BCAS1: variants seen among roughly 807,000 people sequenced by gnomAD.
BCAS1 encodes the protein breast carcinoma-amplified sequence 1.
A neutral mutation model predicts 65.4 loss-of-function variants in BCAS1; 46 were observed. The observed-to-expected ratio is 0.70, with a 90% CI of 0.55 to 0.90. The LOEUF (loss-of-function observed/expected upper bound fraction) is 0.90. Among genes scored for constraint, BCAS1 ranks in the 40% least tolerant of loss-of-function variants. The pLI, the probability that BCAS1 is intolerant of heterozygous loss-of-function variation, is 0.00. For synonymous variants in BCAS1, 298 were observed against 293.5 expected, an observed-to-expected ratio of 1.02 and a Z score of -0.16; for missense variants, 793 against 771.2, an observed-to-expected ratio of 1.03 and a Z score of -0.33.
intron 10 of BCAS1, among the ~76,000 whole-genome samples, chr20:53,960,659 CAACT>C (rs2145577209): frequency 6.6e-6 from 1 of 152,078 alleles, no homozygotes; most frequent in East Asian, 1.9e-4. Context: ...TTATTAATAA[CAACT>C]GTTTCCTTCC....
intron 11 of BCAS1, among the ~76,000 whole-genome samples, chr20:53,954,330 AGAGAGG>A (rs1299328241): frequency 7.0e-5 from 10 of 143,246 alleles, no homozygotes; most frequent in African/African-American, 2.6e-4. Context: ...AGAGAGAGAG[AGAGAGG>A]GACCAGGCAT....
chr20:53,998,897 T>C (rs1295866729), intron 4 of BCAS1, among the ~76,000 whole-genome samples: 2 of 152,140 alleles, frequency 1.3e-5, no homozygotes, highest in African/African-American at 4.8e-5. Flanking sequence ...TTTACAACAA[T>C]CTTCTGAGAC....
At chr20:53,959,258 T>C (rs1391857698) in intron 10 of BCAS1, among the ~76,000 whole-genome samples, 2 of 118,084 alleles carry the variant, frequency 1.7e-5, no homozygotes, top group Non-Finnish European at 3.4e-5. Flanking sequence ...GTCCAGCTAT[T>C]TTTTTTTTTT....
intron 10 of BCAS1, among the ~76,000 whole-genome samples, chr20:53,963,035 A>G (rs780529182): frequency 1.3e-4 from 19 of 151,662 alleles, no homozygotes; most frequent in Non-Finnish European, 2.5e-4. Flanking sequence ...TATTTTTAGT[A>G]GAGACAGGGT....
At chr20:54,028,316 A>G in intron 4 of BCAS1, 76 bp downstream of exon 4, 1 of 1,487,988 alleles carries the variant, frequency 6.7e-7, no homozygotes. Context: ...GTGACTGCAT[A>G]TGTGCAGTGG....
At chr20:53,991,136 G>A (rs1386787839) in intron 7 of BCAS1, among the ~76,000 whole-genome samples, 2 of 152,164 alleles carry the variant, frequency 1.3e-5, no homozygotes, top group Non-Finnish European at 2.9e-5. Context: ...AAACTTTCAA[G>A]GCCCCTTACT....
At position 54,001,987 on chromosome 20, in the gene BCAS1, G is replaced by A. The variant is rs547507768; in HGVS notation, c.724-5937C>T. ...AATAATGAGGTTTTCTAGTCTGGCT[G>A]GTGAGAGAAGGCACTCTCTCTGGCC... On this transcript the variant is annotated intron_variant, in intron 4 of 12. Coordinates refer to ENST00000688948, the MANE Select transcript of BCAS1 (RefSeq NM_001366298.2). Among the ~76,000 whole-genome samples, 10 of 151,752 alleles carry A rather than the reference G, an allele frequency of 6.6e-5. No individual in the cohort carries two copies. In the South Asian group the frequency reaches 2.1e-3, roughly 32 times the overall value.
At position 53,985,180 on chromosome 20, in the gene BCAS1, A is replaced by G; in HGVS notation, c.1275+107T>C. On this transcript the variant is annotated intron_variant, in intron 8 of 12. Transcript: ENST00000688948. ...GGAAGCCGAGTCATTTTGAAGAAGA[A>G]GAAACACCTTCCATACATTGTTGAG... 3 of 1,113,148 alleles carry G rather than the reference A, an allele frequency of 2.7e-6. No individual in the cohort carries two copies. The South Asian group carries it at 4.4e-5, about 16-fold the overall frequency. The allele number at this position is 1,113,148 out of a possible 1,614,324, so 69.0% of individuals were successfully genotyped here. A position where few individuals can be genotyped will look rare whatever the true frequency, so the allele number is the denominator to read the frequency against.
intron 3 of BCAS1, among the ~76,000 whole-genome samples, chr20:54,038,516 C>T (rs1194811452): frequency 6.6e-6 from 1 of 151,270 alleles, no homozygotes; most frequent in Non-Finnish European, 1.5e-5. Flanking sequence ...GCCTAGCAAA[C>T]ACTCCACAAA....
chr20:53,968,879 G>A (rs890050200), intron 9 of BCAS1, among the ~76,000 whole-genome samples: 2 of 152,226 alleles, frequency 1.3e-5, no homozygotes, highest in Non-Finnish European at 2.9e-5. Context: ...CTGCTGGGCT[G>A]TTGGCTTTGG....
intron 10 of BCAS1, among the ~76,000 whole-genome samples, chr20:53,966,380 G>GA: frequency 6.6e-6 from 1 of 152,308 alleles, no homozygotes; most frequent in East Asian, 1.9e-4. Context: ...CTCAGGAATG[G>GA]AAAACCAAAT....
At chr20:54,033,152 T>C (rs2091835839) in intron 3 of BCAS1, among the ~76,000 whole-genome samples, 1 of 151,134 alleles carries the variant, frequency 6.6e-6, no homozygotes, top group Admixed American at 6.6e-5. Context: ...GCTAAGGCAG[T>C]GTTAAGAGGG....
At chr20:54,000,946 T>C (rs1219206108) in intron 4 of BCAS1, among the ~76,000 whole-genome samples, 2 of 152,226 alleles carry the variant, frequency 1.3e-5, no homozygotes, top group African/African-American at 4.8e-5. Context: ...CAGTTCTGGG[T>C]AGGTTTTGGT....
At chr20:53,978,419 T>A (rs1193162517) in intron 8 of BCAS1, among the ~76,000 whole-genome samples, 2 of 152,220 alleles carry the variant, frequency 1.3e-5, no homozygotes, top group Admixed American at 6.5e-5. Context: ...CATATCAACA[T>A]CTTTGCTGTA....
chr20:54,027,732 G>A (rs542000074), intron 4 of BCAS1, among the ~76,000 whole-genome samples: 11 of 150,920 alleles, frequency 7.3e-5, no homozygotes, highest in Non-Finnish European at 1.2e-4. Flanking sequence ...GCCTTTCTTC[G>A]CTCAGGAAAA....
chr20:53,975,097 C>A (rs1392145685), intron 9 of BCAS1, among the ~76,000 whole-genome samples: 1 of 152,166 alleles, frequency 6.6e-6, no homozygotes, highest in African/African-American at 2.4e-5. Flanking sequence ...CTCAAGGAAG[C>A]GCAAAGCTGT....
chr20:54,057,825 C>T (rs531999116), intron 3 of BCAS1, among the ~76,000 whole-genome samples: 2 of 152,190 alleles, frequency 1.3e-5, no homozygotes, highest in Non-Finnish European at 2.9e-5. Context: ...GCGTGGAACA[C>T]GTTCTCCCTG....
chr20:53,994,914 C>CACAT (rs368323547), intron 6 of BCAS1, 98 bp downstream of exon 6: 10 of 920,840 alleles, frequency 1.1e-5, no homozygotes, highest in Non-Finnish European at 1.6e-5. Flanking sequence ...CACACACACA[C>CACAT]ACATATATGT....
chr20:54,063,710 C>CT (rs911453713), intron 1 of BCAS1, among the ~76,000 whole-genome samples: 2 of 151,902 alleles, frequency 1.3e-5, no homozygotes, highest in Non-Finnish European at 2.9e-5. Context: ...TGGGTGGAGA[C>CT]TTTTTTTTAA....
Sources: gnomAD v4.1 joint callset for allele counts (sites outside exome capture counted in the v4.1 genomes callset) on GRCh38, gnomAD v4.1.1 for gene constraint, MANE v1.5 for transcripts, NCBI Gene and HGNC (gene_info 2026-07-23, HGNC 2026-07-21) for gene names.